Variants in FECH observed in about 807,000 individuals in gnomAD.
FECH encodes the protein ferrochelatase.
Under a neutral mutation model 56.9 loss-of-function variants are expected in FECH, and 40 were observed. The observed-to-expected ratio is 0.70, with a 90% CI of 0.55 to 0.92. The LOEUF (loss-of-function observed/expected upper bound fraction) is 0.92. Ranked by LOEUF, FECH falls within the 40% of genes least tolerant of loss-of-function variation. FECH has a pLI of 0.00. For missense variants in FECH, 431 were observed against 529.1 expected, an observed-to-expected ratio of 0.81 and a Z score of 1.82; for synonymous variants, 175 against 198.6, an observed-to-expected ratio of 0.88 and a Z score of 1.00.
At chr18:57,573,074 C>G (rs1232203211) in intron 3 of FECH, 172 bp downstream of exon 3, 1 of 701,262 alleles carries the variant, frequency 1.4e-6, no homozygotes, top group Non-Finnish European at 2.4e-6. Context: ...TGCTCTCTCC[C>G]CCTGCAATTT....
chr18:57,573,368 A>G lies in FECH; in HGVS notation c.195-3T>C, dbSNP rs1363466727. 1 of 1,614,076 alleles carries G rather than the reference A, an allele frequency of 6.2e-7. No individual in the cohort carries two copies. The highest frequency in any genetic ancestry group is 8.5e-7 in the Non-Finnish European group (1 of 1,179,990). The stretch of plus-strand genomic sequence containing the variant: ...TTAATATTCCAGTTTTCGGCTTCCT[A>G]TATAAAATAAAATACAACGGTTGAT... On this transcript the variant is annotated splice_region_variant and splice_polypyrimidine_tract_variant and intron_variant, in intron 2 of 10. Coordinates refer to ENST00000262093, the MANE Select transcript of FECH (RefSeq NM_000140.5).
intron 4 of FECH, among the ~76,000 whole-genome samples, chr18:57,569,954 C>G (rs1052152241): frequency 6.6e-6 from 1 of 152,008 alleles, no homozygotes; most frequent in African/African-American, 2.4e-5. Context: ...CCACCTCAGC[C>G]TCACAAATAG....
intron 6 of FECH, among the ~76,000 whole-genome samples, chr18:57,562,261 G>C (rs2050954952): frequency 6.6e-6 from 1 of 152,086 alleles, no homozygotes; most frequent in African/African-American, 2.4e-5. Flanking sequence ...ATATTTGACA[G>C]GCAGAAAAGA....
At chr18:57,551,281 T>C in intron 10 of FECH, 34 bp downstream of exon 10, 1 of 1,464,474 alleles carries the variant, frequency 6.8e-7, no homozygotes, top group Non-Finnish European at 9.6e-7. Context: ...CTCTCTGGTA[T>C]GTTCTACTAA....
chr18:57,575,560 G>A lies in FECH; in HGVS notation c.195-2195C>T, dbSNP rs368015997. On this transcript the variant is annotated intron_variant, in intron 2 of 10. Coordinates refer to ENST00000262093, the MANE Select transcript of FECH (RefSeq NM_000140.5). ...CGGGCTCAAGTGATCCTCCCGCTTC[G>A]GCCTCCTGAGTAGCTGGGACCACAG... is the stretch of plus-strand genomic sequence containing the variant. Among the ~76,000 whole-genome samples the A allele has an allele frequency of 1.1e-4, 17 of 152,040 alleles. No homozygotes were observed. The East Asian group carries it at 2.5e-3, about 23-fold the overall frequency.
At chr18:57,553,308 C>G in intron 9 of FECH, among the ~76,000 whole-genome samples, 1 of 152,134 alleles carries the variant, frequency 6.6e-6, no homozygotes, top group East Asian at 1.9e-4. Flanking sequence ...CCTAACTTCA[C>G]CCATGTCTGA....
At position 57,550,520 on chromosome 18, in the gene FECH, T is replaced by G; in HGVS notation, c.*192A>C. On this transcript the variant is annotated 3_prime_UTR_variant, in exon 11 of 11. Transcript: ENST00000262093. ...AGAGAGAGAAAATACAAATGCTTAC[T>G]GTATAGTTATATAAAAATAGAAATC... 1.6e-6 allele frequency: 1 copy of G among 611,012 alleles called. No homozygotes were observed. The highest frequency in any genetic ancestry group is 2.8e-6 in the Non-Finnish European group (1 of 355,496). The allele number at this position is 611,012 out of a possible 1,614,324, so 37.8% of individuals were successfully genotyped here.
intron 1 of FECH, among the ~76,000 whole-genome samples, chr18:57,585,571 ACACT>A (rs1417608783): frequency 2.0e-5 from 3 of 152,208 alleles, no homozygotes; most frequent in African/African-American, 7.2e-5. Context: ...GCCTCATTGT[ACACT>A]GGGTCCTTAG....
intron 6 of FECH, among the ~76,000 whole-genome samples, chr18:57,560,669 T>TAA (rs1478218841): frequency 6.6e-5 from 10 of 152,134 alleles, no homozygotes; most frequent in African/African-American, 2.4e-4. Context: ...AATAATACAG[T>TAA]AATATAGGTA....
intron 3 of FECH, 185 bp from the exon 4 acceptor site, chr18:57,571,725 G>T: frequency 1.4e-6 from 1 of 739,666 alleles, no homozygotes; most frequent in Non-Finnish European, 2.1e-6. Flanking sequence ...AGGAGCTAAA[G>T]CTATACCCTC....
intron 4 of FECH, among the ~76,000 whole-genome samples, chr18:57,571,054 A>C (rs2051097757): frequency 6.6e-6 from 1 of 152,248 alleles, no homozygotes; most frequent in African/African-American, 2.4e-5. Flanking sequence ...CATTTCCCAA[A>C]GATTTCTTTC....
chr18:57,558,483 G>C (rs549903493), intron 7 of FECH, among the ~76,000 whole-genome samples: 2 of 152,318 alleles, frequency 1.3e-5, no homozygotes, highest in African/African-American at 4.8e-5. Flanking sequence ...ATGGGATTGA[G>C]AGCGCTTGTC....
chr18:57,551,386 G>A lies in FECH; in HGVS notation c.1078-12C>T. On this transcript the variant is annotated splice_polypyrimidine_tract_variant and intron_variant, in intron 9 of 10. Coordinates refer to ENST00000262093, the MANE Select transcript of FECH (RefSeq NM_000140.5). ...TTTTCAACTCCACACTGAATCAAAT[G>A]AGAAAAGGGAGGAAAAACACAGATA... 1 of 1,607,638 alleles carries A rather than the reference G, an allele frequency of 6.2e-7. No homozygotes were observed. Among genetic ancestry groups the A allele is most frequent in the Non-Finnish European group, 8.5e-7 (1 of 1,174,548 alleles).
Position 57,550,495 on chromosome 18 carries a change from A to C in FECH, c.*217T>G. 1 of 540,840 alleles carries C rather than the reference A, an allele frequency of 1.8e-6. No individual in the cohort carries two copies. Among genetic ancestry groups the C allele is most frequent in the Non-Finnish European group, 3.3e-6 (1 of 306,440 alleles). The allele number at this position is 540,840 out of a possible 1,614,324, so 33.5% of individuals were successfully genotyped here. A position where few individuals can be genotyped will look rare whatever the true frequency, so the allele number is the denominator to read the frequency against. ...CATTCCAAACTAGTAACTTATACCT[A>C]GAGAGAGAAAATACAAATGCTTACT... On this transcript the variant is annotated 3_prime_UTR_variant, in exon 11 of 11. Transcript: ENST00000262093.
chr18:57,576,040 G>A (rs938625327), intron 2 of FECH, among the ~76,000 whole-genome samples: 10 of 152,126 alleles, frequency 6.6e-5, no homozygotes, highest in African/African-American at 1.2e-4. Flanking sequence ...CACTACTGAC[G>A]TTTGGGGCTG....
intron 1 of FECH, 21 bp downstream of exon 1, chr18:57,586,533 C>A (rs2051378188): frequency 6.6e-7 from 1 of 1,519,282 alleles, no homozygotes; most frequent in Non-Finnish European, 8.8e-7. Flanking sequence ...CCCTGGCGGC[C>A]GCCGCGACAG....
chr18:57,555,024 G>T, intron 7 of FECH, 72 bp from the exon 8 acceptor site: 2 of 1,143,032 alleles, frequency 1.7e-6, no homozygotes, highest in South Asian at 1.2e-5. Flanking sequence ...ACTATGTGCT[G>T]ACACAGTGTG....
rs2050742724 is a variant in FECH, at chr18:57,548,095, A to G, written c.*2617T>C. On this transcript the variant is annotated 3_prime_UTR_variant, in exon 11 of 11. Coordinates refer to ENST00000262093, the MANE Select transcript of FECH (RefSeq NM_000140.5). ...GCAAAACCCCATCTCTACAAAAAATATAAAAAAGTAGCCCAGCGTGGTGAA... is the reference window on the plus strand; with the variant it reads ...GCAAAACCCCATCTCTACAAAAAATGTAAAAAAGTAGCCCAGCGTGGTGAA... Among the ~76,000 whole-genome samples, 1 of 151,982 alleles carries G rather than the reference A, an allele frequency of 6.6e-6. No homozygotes were observed.
intron 7 of FECH, 34 bp downstream of exon 7, chr18:57,559,111 T>C (rs2050906438): frequency 1.5e-6 from 2 of 1,377,602 alleles, no homozygotes; most frequent in Non-Finnish European, 2.1e-6. Context: ...CAATCCTCTA[T>C]CACTAGGTCA....
Sources: allele counts gnomAD v4.1 joint callset (sites outside exome capture counted in the v4.1 genomes callset), GRCh38; gene constraint gnomAD v4.1.1; transcripts MANE v1.5; gene names NCBI Gene and HGNC (gene_info 2026-07-23, HGNC 2026-07-21).